KCND2: variants seen among roughly 807,000 people sequenced by gnomAD.
KCND2 encodes A-type voltage-gated potassium channel KCND2.
A neutral mutation model predicts 54.4 loss-of-function variants in KCND2; 16 were observed. The ratio of observed to expected loss-of-function variants is 0.29; its 90% CI spans 0.20 to 0.45. The LOEUF is 0.45. Ranked by LOEUF, KCND2 falls within the 20% of genes least tolerant of loss-of-function variation. The probability of loss-of-function intolerance (pLI) is 1.00; values close to 1 mark genes in which losing one functional copy is unlikely to be tolerated. For missense variants in KCND2, 486 were observed against 824.2 expected, an observed-to-expected ratio of 0.59 and a Z score of 5.02; for synonymous variants, 317 against 310.7, an observed-to-expected ratio of 1.02 and a Z score of -0.21.
chr7:120,298,062 T>G (rs1799535514), intron 1 of KCND2, among the ~76,000 whole-genome samples: 1 of 152,182 alleles, frequency 6.6e-6, no homozygotes, highest in Non-Finnish European at 1.5e-5. Flanking sequence ...ATTACTTATC[T>G]TAATTTAAAT....
chr7:120,681,597 G>A lies in KCND2; in HGVS notation c.1116-51306G>A, dbSNP rs1052885480. ...CACAAAATGAAGAAGTATGTATTGC[G>A]GTTTCAATAGGAAGTTAATAAACTT... On this transcript the variant is annotated intron_variant, in intron 1 of 5. Coordinates refer to ENST00000331113, the MANE Select transcript of KCND2 (RefSeq NM_012281.3). Among the ~76,000 whole-genome samples, 4 of 151,258 alleles carry A rather than the reference G, an allele frequency of 2.6e-5. No individual in the cohort carries two copies. The East Asian group carries it at 5.8e-4, about 22-fold the overall frequency.
intron 1 of KCND2, among the ~76,000 whole-genome samples, chr7:120,415,548 C>G (rs535983746): frequency 6.6e-6 from 1 of 152,268 alleles, no homozygotes; most frequent in Admixed American, 6.5e-5. Context: ...GCTCCTACCT[C>G]TCTGCACCCA....
chr7:120,480,675 TC>T (rs1229646321), intron 1 of KCND2, among the ~76,000 whole-genome samples: 1 of 152,186 alleles, frequency 6.6e-6, no homozygotes, highest in Non-Finnish European at 1.5e-5. Flanking sequence ...CACTTCCACT[TC>T]CTGTTTTCCA....
At chr7:120,592,185 G>A (rs917452331) in intron 1 of KCND2, among the ~76,000 whole-genome samples, 1 of 152,102 alleles carries the variant, frequency 6.6e-6, no homozygotes, top group Admixed American at 6.5e-5. Context: ...CGACAATTCT[G>A]ACAAAACACC....
At chr7:120,510,492 A>G (rs1008358483) in intron 1 of KCND2, among the ~76,000 whole-genome samples, 1 of 152,042 alleles carries the variant, frequency 6.6e-6, no homozygotes, top group African/African-American at 2.4e-5. Flanking sequence ...CTAAATTCAA[A>G]CTCAACCTTA....
intron 1 of KCND2, among the ~76,000 whole-genome samples, chr7:120,591,998 C>T (rs930389744): frequency 6.6e-5 from 10 of 152,070 alleles, no homozygotes; most frequent in East Asian, 1.9e-4. Context: ...AGATTCTAGG[C>T]GCTGATTAAA....
At chr7:120,383,335 T>C (rs528139741) in intron 1 of KCND2, among the ~76,000 whole-genome samples, 8 of 152,158 alleles carry the variant, frequency 5.3e-5, no homozygotes, top group African/African-American at 1.9e-4. Flanking sequence ...TAAATTGTCT[T>C]ATTTTCCATT....
At chr7:120,715,400 C>T (rs1295290067) in intron 1 of KCND2, among the ~76,000 whole-genome samples, 1 of 152,004 alleles carries the variant, frequency 6.6e-6, no homozygotes, top group Non-Finnish European at 1.5e-5. Flanking sequence ...CTATTTACTT[C>T]ATGTTAATAA....
chr7:120,336,038 T>A (rs969578378), intron 1 of KCND2, among the ~76,000 whole-genome samples: 3 of 152,108 alleles, frequency 2.0e-5, no homozygotes, highest in South Asian at 2.1e-4. Flanking sequence ...AAACCATAAT[T>A]CCTAATTTTT....
At chr7:120,488,024 AC>A (rs1276833552) in intron 1 of KCND2, among the ~76,000 whole-genome samples, 3 of 151,892 alleles carry the variant, frequency 2.0e-5, no homozygotes, top group Admixed American at 2.0e-4. Context: ...ATACAAAAAA[AC>A]AAAACAAAAC....
chr7:120,412,673 C>G (rs1801469050), intron 1 of KCND2, among the ~76,000 whole-genome samples: 1 of 151,976 alleles, frequency 6.6e-6, no homozygotes, highest in African/African-American at 2.4e-5. Context: ...GTATTGCTAG[C>G]TTTTAGTAAG....
intron 1 of KCND2, among the ~76,000 whole-genome samples, chr7:120,540,701 A>G (rs558100839): frequency 6.6e-6 from 1 of 152,298 alleles, no homozygotes; most frequent in African/African-American, 2.4e-5. Context: ...CTGTGTCTAC[A>G]CAGGCAACTT....
At chr7:120,641,069 G>A (rs1421055428) in intron 1 of KCND2, among the ~76,000 whole-genome samples, 1 of 152,220 alleles carries the variant, frequency 6.6e-6, no homozygotes, top group Non-Finnish European at 1.5e-5. Context: ...ACGAGAGAGA[G>A]CTGAGGAACG....
intron 1 of KCND2, among the ~76,000 whole-genome samples, chr7:120,333,849 T>C (rs1188195454): frequency 6.6e-6 from 1 of 152,140 alleles, no homozygotes; most frequent in African/African-American, 2.4e-5. Flanking sequence ...AGATAATCTT[T>C]CAGGGCTGGT....
chr7:120,633,730 G>A (rs927478623), intron 1 of KCND2, among the ~76,000 whole-genome samples: 1 of 152,064 alleles, frequency 6.6e-6, no homozygotes, highest in East Asian at 1.9e-4. Flanking sequence ...CGTAGCCCAC[G>A]TTCTCAACCA....
At chr7:120,580,078 CTCTG>C (rs1371299550) in intron 1 of KCND2, among the ~76,000 whole-genome samples, 1 of 152,232 alleles carries the variant, frequency 6.6e-6, no homozygotes, top group East Asian at 1.9e-4. Context: ...AAATCCCAGT[CTCTG>C]TCCCATCGCT....
At chr7:120,546,404 C>T (rs1792042744) in intron 1 of KCND2, among the ~76,000 whole-genome samples, 1 of 151,920 alleles carries the variant, frequency 6.6e-6, no homozygotes, top group African/African-American at 2.4e-5. Context: ...TTTAAAGTGA[C>T]TCACATTTAT....
chr7:120,687,473 G>T (rs1395273033), intron 1 of KCND2, among the ~76,000 whole-genome samples: 1 of 152,118 alleles, frequency 6.6e-6, no homozygotes, highest in African/African-American at 2.4e-5. Context: ...TGAAATGCAT[G>T]TGCTGATTAG....
intron 1 of KCND2, among the ~76,000 whole-genome samples, chr7:120,371,084 C>T (rs1479342125): frequency 1.3e-5 from 2 of 152,020 alleles, no homozygotes; most frequent in African/African-American, 4.8e-5. Flanking sequence ...ATGTCTCTAT[C>T]GTAATTGATG....
Sources: allele counts gnomAD v4.1 joint callset (sites outside exome capture counted in the v4.1 genomes callset), GRCh38; gene constraint gnomAD v4.1.1; transcripts MANE v1.5; gene names NCBI Gene and HGNC (gene_info 2026-07-23, HGNC 2026-07-21).